The following ZBTB46 variants were observed in gnomAD, a reference collection of about 807,000 sequenced individuals.
ZBTB46 encodes zinc finger and BTB domain-containing protein 46.
ZBTB46 carries 8 observed loss-of-function variants against 44.1 expected under a neutral mutation model. That is an observed-to-expected ratio of 0.18 (90% CI 0.11 to 0.33). The LOEUF (loss-of-function observed/expected upper bound fraction) is 0.33, where lower values mean the gene tolerates loss of function less well. Among genes scored for constraint, ZBTB46 ranks in the 10% least tolerant of loss-of-function variants. The pLI is 1.00. For synonymous variants in ZBTB46, 409 were observed against 382.3 expected (o/e 1.07, Z -0.81); for missense variants, 651 against 847.7 (o/e 0.77, Z 2.88).
At chr20:63,768,244 G>A (rs1016561935) in intron 3 of ZBTB46, 2 of 622,940 alleles carry the variant, frequency 3.2e-6, no homozygotes, top group Non-Finnish European at 2.0e-6. Flanking sequence ...TGTGGGAATA[G>A]CAATTAATTT....
intron 3 of ZBTB46, among the ~76,000 whole-genome samples, chr20:63,764,358 C>A: frequency 6.6e-6 from 1 of 151,836 alleles, no homozygotes; most frequent in Non-Finnish European, 1.5e-5. Flanking sequence ...ATCACTTGAA[C>A]TCGGGAGGCA....
intron 3 of ZBTB46, 65 bp downstream of exon 3, chr20:63,775,613 G>T (rs1376049014): frequency 2.7e-6 from 4 of 1,504,848 alleles, no homozygotes; most frequent in Non-Finnish European, 3.5e-6. Context: ...TCTTGGCCCG[G>T]GACCTGCAAC....
chr20:63,783,898 A>C (rs529315490), intron 2 of ZBTB46, among the ~76,000 whole-genome samples: 2 of 152,202 alleles, frequency 1.3e-5, no homozygotes, highest in Admixed American at 1.3e-4. Context: ...CAGGCTGTGA[A>C]AGGTGTTCAG....
At chr20:63,763,447 G>T (rs573750424) in intron 3 of ZBTB46, among the ~76,000 whole-genome samples, 2 of 152,314 alleles carry the variant, frequency 1.3e-5, no homozygotes, top group South Asian at 2.1e-4. Flanking sequence ...CTTCTGGGGA[G>T]ACCTTAGGGA....
intron 3 of ZBTB46, among the ~76,000 whole-genome samples, chr20:63,760,829 C>G (rs1353353303): frequency 2.0e-5 from 3 of 150,604 alleles, no homozygotes; most frequent in African/African-American, 7.3e-5. Flanking sequence ...TTGGGGTTTG[C>G]CCAGGCTGGA....
At chr20:63,826,474 G>A (rs2092819933) in intron 1 of ZBTB46, among the ~76,000 whole-genome samples, 1 of 151,982 alleles carries the variant, frequency 6.6e-6, no homozygotes, top group Admixed American at 6.6e-5. Context: ...TGTAATCCCA[G>A]CACTTTGGGA....
Position 63,771,988 on chromosome 20 carries a change from A to G in ZBTB46, c.1222+3690T>C, listed in dbSNP as rs150117996. 7.6e-3 allele frequency among the ~76,000 whole-genome samples: 1,126 copies of G among 148,094 alleles called. 15 individuals carry two copies. The highest frequency in any genetic ancestry group is 0.026 in the African/African-American group (1,053 of 40,168). ...CTTCTAAACCGTGTTTACAGAAAAC[A>G]AAAGGGCAAATTCTTTTTTTTTTTT... On this transcript the variant is annotated intron_variant, in intron 3 of 4. Coordinates refer to ENST00000245663, the MANE Select transcript of ZBTB46 (RefSeq NM_001369741.1).
upstream of ZBTB46, among the ~76,000 whole-genome samples, chr20:63,832,969 G>A (rs1268194208): frequency 2.0e-5 from 3 of 152,098 alleles, no homozygotes; most frequent in South Asian, 2.1e-4. This position sits in a 1 kb window ranked among gnomAD's most constrained non-coding sequence, Gnocchi z 5.0. Context: ...GAGAGCTCGG[G>A]CCCACCGAGC....
chr20:63,828,028 C>T (rs991188129), intron 1 of ZBTB46, among the ~76,000 whole-genome samples: 2 of 152,256 alleles, frequency 1.3e-5, no homozygotes, highest in Non-Finnish European at 2.9e-5. Context: ...TCAAGCGGCC[C>T]GCCCGCCTCA....
chr20:63,822,502 C>T (rs1392364293), intron 1 of ZBTB46, among the ~76,000 whole-genome samples: 8 of 152,262 alleles, frequency 5.3e-5, no homozygotes, highest in South Asian at 2.1e-4. Context: ...CAATGGGTTC[C>T]GTGATTGGCC....
intron 1 of ZBTB46, chr20:63,815,037 C>T: frequency 5.6e-6 from 1 of 179,496 alleles, no homozygotes. Context: ...CACTACACTC[C>T]AGCCTGGATG....
At chr20:63,791,511 A>AC (rs2092560875) in intron 1 of ZBTB46, among the ~76,000 whole-genome samples, 2 of 151,810 alleles carry the variant, frequency 1.3e-5, no homozygotes, top group Non-Finnish European at 2.9e-5. Flanking sequence ...AAAAAAAAAA[A>AC]AAAAAAAACT....
At chr20:63,798,159 G>A (rs1014753074) in intron 1 of ZBTB46, among the ~76,000 whole-genome samples, 17 of 152,120 alleles carry the variant, frequency 1.1e-4, no homozygotes, top group Non-Finnish European at 1.6e-4. Context: ...AATCCATCTT[G>A]AATTAATTTT....
At chr20:63,773,250 A>C in intron 3 of ZBTB46, among the ~76,000 whole-genome samples, 1 of 85,754 alleles carries the variant, frequency 1.2e-5, no homozygotes, top group Non-Finnish European at 2.4e-5. Flanking sequence ...TTTTTTTGAG[A>C]CAGTGTCTCA....
At chr20:63,749,613 G>C (rs1402593089) in intron 4 of ZBTB46, among the ~76,000 whole-genome samples, 3 of 152,238 alleles carry the variant, frequency 2.0e-5, no homozygotes, top group Non-Finnish European at 4.4e-5. Context: ...TGGGATTACA[G>C]GCGTCAGCCA....
intron 1 of ZBTB46, among the ~76,000 whole-genome samples, chr20:63,814,463 A>G (rs1355919422): frequency 1.3e-5 from 2 of 152,358 alleles, no homozygotes; most frequent in South Asian, 2.1e-4. Flanking sequence ...AAAATATACA[A>G]TCCAGCGGTG....
At position 63,766,782 on chromosome 20, in the gene ZBTB46, G is replaced by A. The variant is rs180999178; in HGVS notation, c.1222+8896C>T. Among the ~76,000 whole-genome samples, 68 of 152,340 alleles carry A rather than the reference G, an allele frequency of 4.5e-4. No individual in the cohort carries two copies. The East Asian group carries it at 5.8e-3, about 13-fold the overall frequency. The stretch of plus-strand genomic sequence containing the variant: ...AGGAACATAAAGATTTGAGGAACCA[G>A]GGGAGGCTCCAGCAGATGGTTCCAG... On this transcript the variant is annotated intron_variant, in intron 3 of 4. Coordinates refer to ENST00000245663, the MANE Select transcript of ZBTB46 (RefSeq NM_001369741.1).
At chr20:63,768,771 T>C (rs1038232524) in intron 3 of ZBTB46, among the ~76,000 whole-genome samples, 8 of 151,902 alleles carry the variant, frequency 5.3e-5, no homozygotes, top group Admixed American at 5.2e-4. Context: ...GCTGGGGCAG[T>C]GGAACGGCTT....
chr20:63,767,780 A>G lies in ZBTB46; in HGVS notation c.1222+7898T>C, dbSNP rs2092332896. 3 of 728,784 alleles carry G rather than the reference A, an allele frequency of 4.1e-6. No homozygotes were observed. The highest frequency in any genetic ancestry group is 1.2e-4 in the South Asian group (2 of 16,302). The allele number at this position is 728,784 out of a possible 1,614,324, so 45.1% of individuals were successfully genotyped here. On this transcript the variant is annotated intron_variant, in intron 3 of 4. Transcript: ENST00000245663. The surrounding 1 kb of genome is among the most constrained non-coding windows in gnomAD (Gnocchi z 5.0). ...GCCCAAGGAGCTCCAGGCGAGGCCA[A>G]GCCGTCCTGGCACTGGCTGCCCCCA...
Sources: allele counts gnomAD v4.1 joint callset (sites outside exome capture counted in the v4.1 genomes callset), GRCh38; gene constraint gnomAD v4.1.1; non-coding constraint Gnocchi (gnomAD v3.1); transcripts MANE v1.5; gene names NCBI Gene and HGNC (gene_info 2026-07-23, HGNC 2026-07-21).